Variants in PLXNB2 observed in about 807,000 individuals in gnomAD.
PLXNB2 encodes the protein plexin B2.
PLXNB2 carries 85 observed loss-of-function variants against 202.6 expected under a neutral mutation model. The ratio of observed to expected loss-of-function variants is 0.42; its 90% CI spans 0.35 to 0.50. The LOEUF (loss-of-function observed/expected upper bound fraction) is 0.50. PLXNB2 is among the 20% of genes least tolerant of loss of function. PLXNB2 has a pLI of 0.02. For synonymous variants in PLXNB2, 1,239 were observed against 1,137.6 expected (o/e 1.09, Z -1.79); for missense variants, 2,063 against 2,586.2 (o/e 0.80, Z 4.39).
In PLXNB2 at chr22:50,289,843, G is replaced by A. The variant is rs779647430; in HGVS notation, c.742C>T (p.Arg248Cys). 4.9e-5 allele frequency: 79 copies of A among 1,613,196 alleles called. No homozygotes were observed. The highest frequency in any genetic ancestry group is 6.4e-5 in the Non-Finnish European group (75 of 1,180,046). The part of the protein sequence containing the change: ...HPARNRTLLA[R>C]MCREDPNYYS... ...TAGTTGGGGTCTTCTCTGCACATGC[G>A]TGCCAGCAGCGTGCGGTTCCGGGCC... The change falls in exon 3 of 37, where the codon CGC (arginine) becomes TGC (cysteine). Residue 248 changes from arginine to cysteine, a missense_variant. Around this residue, in one of 2 missense-constraint regions of PLXNB2, gnomAD observed 1,303 missense variants for 1,476.8 expected, o/e 0.88. Transcript: ENST00000359337. This position sits in a 1 kb window ranked among gnomAD's most constrained non-coding sequence, Gnocchi z 8.0.
intron 1 of PLXNB2, chr22:50,301,348 G>C: frequency 1.0e-6 from 1 of 976,594 alleles, no homozygotes; most frequent in African/African-American, 1.8e-5. Flanking sequence ...TGAACCTACC[G>C]ATGTCTCCGT....
chr22:50,278,868 G>A lies in PLXNB2; in HGVS notation c.4533C>T (p.Asp1511=). 6.2e-7 allele frequency: 1 copy of A among 1,612,002 alleles called. No individual in the cohort carries two copies. The highest frequency in any genetic ancestry group is 8.5e-7 in the Non-Finnish European group (1 of 1,178,964). ...GQPCSCWPRP[D]SVVLEWRPGS... ...GCCGGCACTCACCCAGGACCACGCT[G>A]TCTGGCCTGGGCCAGCAGGAGCAGG... The change falls in exon 28 of 37, where the codon GAC becomes GAT. Residue 1511 remains aspartate, a synonymous_variant. Transcript: ENST00000359337.
chr22:50,282,001 G>C lies in PLXNB2; in HGVS notation c.3198C>G (p.Ala1066=), dbSNP rs56110807. The C allele has an allele frequency of 0.013, 21,257 of 1,613,032 alleles. 2,502 individuals carry two copies. The African/African-American group carries it at 0.25, about 19-fold the overall frequency. ...TCTCGATCAGCACCGTGAGGTTGTA[G>C]GCCTCTGGCTCCTCAGGCACAGCCG... The part of the protein sequence containing the change: ...LSPAVPEEPE[A]YNLTVLIEMD... Residue 1066 remains alanine (A), a synonymous_variant, in exon 20 of 37, where the codon GCC becomes GCG. Coordinates refer to ENST00000359337, the MANE Select transcript of PLXNB2 (RefSeq NM_012401.4).
At chr22:50,287,311 CA>C in intron 7 of PLXNB2, 47 bp from the exon 8 acceptor site, 1 of 1,453,754 alleles carries the variant, frequency 6.9e-7, no homozygotes. Flanking sequence ...CGAGTCCTGT[CA>C]GCCCACCTGC....
intron 1 of PLXNB2, among the ~76,000 whole-genome samples, chr22:50,300,658 T>A (rs1180503739): frequency 6.6e-6 from 1 of 152,178 alleles, no homozygotes; most frequent in African/African-American, 2.4e-5. Context: ...CCCTCCCAGG[T>A]GGAGGCCGTC....
rs556189096 is a variant in PLXNB2 at position 50,297,988 on chromosome 22, C to G, written c.-73-3210G>C. ...AAGCCCCTGCCCATCCTTTAGACCC[C>G]GAGACACCCTCCCTAACCCAGCCCC... On this transcript the variant is annotated intron_variant, in intron 1 of 36. Transcript: ENST00000359337. The surrounding 1 kb of genome is among the most constrained non-coding windows in gnomAD (Gnocchi z 5.3). 2.6e-5 allele frequency among the ~76,000 whole-genome samples: 4 copies of G among 152,294 alleles called. No homozygotes were observed. Among genetic ancestry groups the G allele is most frequent in the South Asian group, 4.1e-4 (2 of 4,820 alleles).
intron 32 of PLXNB2, 30 bp from the exon 33 acceptor site, chr22:50,277,768 G>A (rs377706380): frequency 2.4e-4 from 377 of 1,586,522 alleles, no homozygotes; most frequent in Non-Finnish European, 2.7e-4. Context: ...AATGAGAGCC[G>A]GGGCTGGGCC....
rs146136062 is a variant in PLXNB2 at position 50,303,884 on chromosome 22, G to A, written c.-74+3669C>T. 5.0e-3 allele frequency among the ~76,000 whole-genome samples: 757 copies of A among 152,322 alleles called. 2 individuals carry two copies. The highest frequency in any genetic ancestry group is 8.5e-3 in the Non-Finnish European group (580 of 68,020). ...GGGACTCAGCTGGCACTGGAATGAG[G>A]AACTATTGGCTTTCAGAAGCCAGGA... On this transcript the variant is annotated intron_variant, in intron 1 of 36. Coordinates refer to ENST00000359337, the MANE Select transcript of PLXNB2 (RefSeq NM_012401.4).
intron 7 of PLXNB2, 87 bp from the exon 8 acceptor site, chr22:50,287,351 G>T: frequency 7.2e-7 from 1 of 1,381,694 alleles, no homozygotes; most frequent in Non-Finnish European, 9.6e-7. Flanking sequence ...GCGTGTGTGG[G>T]CGCACGTCCC....
In PLXNB2 at chr22:50,291,888, G is replaced by A. The variant is rs1252031450; in HGVS notation, c.-13-1291C>T. 6.6e-6 allele frequency among the ~76,000 whole-genome samples: 1 copy of A among 152,156 alleles called. No homozygotes were observed. Among genetic ancestry groups the A allele is most frequent in the Non-Finnish European group, 1.5e-5 (1 of 68,010 alleles). ...AGGGGGTCCAGACTCGATGGCAGAG[G>A]GTTACGAGGGATGGAGGCCCTGGCC... On this transcript the variant is annotated intron_variant, in intron 2 of 36. Transcript: ENST00000359337. This position sits in a 1 kb window ranked among gnomAD's most constrained non-coding sequence, Gnocchi z 4.3.
rs369679179 is a variant in PLXNB2, at chr22:50,281,233, G to A, written c.3663-44C>T. On this transcript the variant is annotated intron_variant, in intron 22 of 36. Transcript: ENST00000359337. ...CTCCTAGGTTCTGCCGGGGCTGGCC[G>A]CTCAGCTGCCCGGATGAGGAGGTGG... 75 of 1,569,934 alleles carry A rather than the reference G, an allele frequency of 4.8e-5. 2 individuals carry two copies. The Middle Eastern group carries it at 1.2e-3, about 25-fold the overall frequency.
chr22:50,301,414 C>T (rs2067674104), intron 1 of PLXNB2: 1 of 984,518 alleles, frequency 1.0e-6, no homozygotes, highest in Non-Finnish European at 1.2e-6. Context: ...TCGGGGCACA[C>T]GAGGCCGATG....
intron 18 of PLXNB2, 128 bp from the exon 19 acceptor site, chr22:50,282,441 GCAAAGGGGCAA>G: frequency 1.1e-6 from 1 of 921,376 alleles, no homozygotes; most frequent in Non-Finnish European, 1.5e-6. Context: ...GTCTCGGTGG[GCAAAGGGGCAA>G]CGCGGTGGGA....
chr22:50,279,671 C>T lies in PLXNB2; in HGVS notation c.4348G>A (p.Asp1450Asn), dbSNP rs770735940. ...VQKKAKYTLN[D>N]TGLLGDDVEY... ...ACATCATCCCCCAGCAGCCCCGTGTCGTTGAGAGTGTACTTGGCCTTCTTC... is the reference window on the plus strand; with the variant it reads ...ACATCATCCCCCAGCAGCCCCGTGTTGTTGAGAGTGTACTTGGCCTTCTTC... The change falls in exon 27 of 37, where the codon GAC becomes AAC. Residue 1450 changes from aspartate (D) to asparagine (N), a missense_variant. By Grantham distance (23) the Asp-to-Asn change is conservative. Coordinates refer to ENST00000359337, the MANE Select transcript of PLXNB2 (RefSeq NM_012401.4). The T allele has an allele frequency of 2.0e-5, 32 of 1,613,862 alleles. No individual in the cohort carries two copies. Among genetic ancestry groups the T allele is most frequent in the Middle Eastern group, 1.6e-4 (1 of 6,082 alleles).
rs369870107 is a variant in PLXNB2, at chr22:50,283,451, G to A, written c.2571-6C>T. The A allele has an allele frequency of 2.4e-5, 39 of 1,612,012 alleles. No individual in the cohort carries two copies. Among genetic ancestry groups the A allele is most frequent in the African/African-American group, 5.3e-5 (4 of 74,820 alleles). ...CCTCGATCACACACACGATCCTGGC[G>A]GGCGACAGGCAGTGTGGCCCAGGCA... On this transcript the variant is annotated splice_region_variant and splice_polypyrimidine_tract_variant and intron_variant, in intron 15 of 36. Coordinates refer to ENST00000359337, the MANE Select transcript of PLXNB2 (RefSeq NM_012401.4).
At position 50,290,310 on chromosome 22, in the gene PLXNB2, A is replaced by T; in HGVS notation, c.275T>A (p.Met92Lys). 1 of 1,612,152 alleles carries T rather than the reference A, an allele frequency of 6.2e-7. No homozygotes were observed. Among genetic ancestry groups the T allele is most frequent in the Non-Finnish European group, 8.5e-7 (1 of 1,180,002 alleles). ...IEASQCHEAE[M>K]TDNVNQLLLL... ...CAGCAGCTGGTTGACATTGTCAGTC[A>T]TCTCAGCCTCATGGCACTGGCTGGC... is the stretch of plus-strand genomic sequence containing the variant. The change falls in exon 3 of 37, where the codon ATG becomes AAG. Residue 92 changes from methionine (M) to lysine (K), a missense_variant. By Grantham distance (95) the Met-to-Lys change is moderately conservative (BLOSUM62 -1). This residue lies in a region of PLXNB2 where 1,303 missense variants were observed against 1,476.8 expected (regional missense o/e 0.88). Coordinates refer to ENST00000359337, the MANE Select transcript of PLXNB2 (RefSeq NM_012401.4).
intron 1 of PLXNB2, among the ~76,000 whole-genome samples, chr22:50,302,418 C>G (rs1233533970): frequency 6.6e-6 from 1 of 152,162 alleles, no homozygotes; most frequent in Non-Finnish European, 1.5e-5. Flanking sequence ...GGTCCAGCCC[C>G]TTGCTCCACG....
intron 8 of PLXNB2, among the ~76,000 whole-genome samples, chr22:50,286,847 G>A (rs1054869260): frequency 5.3e-5 from 8 of 152,192 alleles, no homozygotes; most frequent in African/African-American, 1.2e-4. Context: ...ATGCCGCTCC[G>A]GACGTGATGA....
At chr22:50,279,134 G>T (rs1345347327) in intron 27 of PLXNB2, 123 bp from the exon 28 acceptor site, 1 of 1,003,802 alleles carries the variant, frequency 1.0e-6, no homozygotes, top group South Asian at 1.7e-5. Flanking sequence ...GCAGGCCCCC[G>T]CCAGCCCGGC....
Sources: gnomAD v4.1 joint callset for allele counts (sites outside exome capture counted in the v4.1 genomes callset) on GRCh38, gnomAD v4.1.1 for gene constraint, gnomAD v4.1.1 regional missense constraint, Gnocchi (gnomAD v3.1) non-coding constraint, MANE v1.5 for transcripts, NCBI Gene and HGNC (gene_info 2026-07-23, HGNC 2026-07-21) for gene names.